ESYT2: variants seen among roughly 807,000 people sequenced by gnomAD.
ESYT2 encodes the protein extended synaptotagmin 2.
ESYT2 carries 54 observed loss-of-function variants against 107.2 expected under a neutral mutation model. That is an observed-to-expected ratio of 0.50 (90% CI 0.40 to 0.63). The LOEUF (loss-of-function observed/expected upper bound fraction) is 0.63. Among genes scored for constraint, ESYT2 ranks in the 30% least tolerant of loss-of-function variants. The pLI is 0.00. For missense variants in ESYT2, 1,020 were observed against 1,094.5 expected, an observed-to-expected ratio of 0.93 and a Z score of 0.96; for synonymous variants, 491 against 434.1, an observed-to-expected ratio of 1.13 and a Z score of -1.63.
chr7:158,797,797 T>G, intron 3 of ESYT2, 145 bp downstream of exon 3: 1 of 1,074,412 alleles, frequency 9.3e-7, no homozygotes, highest in Non-Finnish European at 1.3e-6. Flanking sequence ...GAGTTTGCAG[T>G]GAGCCAAGAT....
intron 7 of ESYT2, among the ~76,000 whole-genome samples, chr7:158,768,673 C>T (rs1838248836): frequency 6.6e-6 from 1 of 152,240 alleles, no homozygotes; most frequent in Admixed American, 6.5e-5. Flanking sequence ...CCACCTTGGC[C>T]TCCCGAAGTG....
At chr7:158,758,754 A>C (rs1434298749) in intron 13 of ESYT2, among the ~76,000 whole-genome samples, 1 of 152,206 alleles carries the variant, frequency 6.6e-6, no homozygotes, top group Non-Finnish European at 1.5e-5. Context: ...TAAGGACCAC[A>C]CCACTATCCT....
intron 6 of ESYT2, among the ~76,000 whole-genome samples, chr7:158,786,883 G>C (rs1051255764): frequency 3.9e-5 from 6 of 152,188 alleles, no homozygotes; most frequent in African/African-American, 1.2e-4. Context: ...TATGATCCTT[G>C]CTTTCAAAGA....
chr7:158,828,966 C>G (rs1584897154), intron 1 of ESYT2, 123 bp downstream of exon 1: 4 of 1,401,118 alleles, frequency 2.9e-6, no homozygotes, highest in Non-Finnish European at 3.7e-6. Context: ...AGGCGGGAGC[C>G]GGGGCAGGGC....
intron 15 of ESYT2, 86 bp downstream of exon 15, chr7:158,749,563 G>C (rs886321459): frequency 7.8e-7 from 1 of 1,274,566 alleles, no homozygotes; most frequent in African/African-American, 1.5e-5. Context: ...GAATGTATTT[G>C]CAACCCGGCA....
chr7:158,783,601 T>TC (rs1839002664), intron 6 of ESYT2, among the ~76,000 whole-genome samples: 1 of 152,144 alleles, frequency 6.6e-6, no homozygotes, highest in Non-Finnish European at 1.5e-5. Flanking sequence ...GTGAAACCCC[T>TC]CCTTCGGGGC....
rs113520049 is a variant in ESYT2 at position 158,742,858 on chromosome 7, T to C, written c.1794+671A>G. ...AAAGGCCAAGGAGCCTTCAGATGAG[T>C]GGCTCAGGGTTGTCGCAGCTCCCTC... is the stretch of plus-strand genomic sequence containing the variant. On this transcript the variant is annotated intron_variant, in intron 17 of 22. Transcript: ENST00000275418. Among the ~76,000 whole-genome samples the C allele has an allele frequency of 8.9e-3, 1,360 of 152,334 alleles. 18 individuals are homozygous for C. Among genetic ancestry groups the C allele is most frequent in the African/African-American group, 0.029 (1,223 of 41,574 alleles).
chr7:158,814,937 AAG>A (rs67955289), intron 1 of ESYT2, among the ~76,000 whole-genome samples: 17,472 of 152,152 alleles, frequency 0.11, 1,703 homozygotes, highest in East Asian at 0.55. Context: ...TACTGCCATC[AAG>A]AGAGAGGAGA....
In ESYT2 at chr7:158,804,665, A is replaced by G. The variant is rs113051541; in HGVS notation, c.331-5593T>C. Among the ~76,000 whole-genome samples, 145 of 129,576 alleles carry G rather than the reference A, an allele frequency of 1.1e-3. 2 individuals are homozygous for G. Among genetic ancestry groups the G allele is most frequent in the Admixed American group, 4.2e-3 (54 of 12,824 alleles). The allele number at this position is 129,576 out of a possible 152,430, so 85.0% of individuals were successfully genotyped here. Reference sequence around the variant, plus strand: ...CCCAAAGTGCTGAGAAAAGTGAGGCACGTGACAAACCCAAACTGTTGACAA... The same window carrying G: ...CCCAAAGTGCTGAGAAAAGTGAGGCGCGTGACAAACCCAAACTGTTGACAA... On this transcript the variant is annotated intron_variant, in intron 1 of 22. Coordinates refer to ENST00000275418, the MANE Select transcript of ESYT2 (RefSeq NM_001367773.1).
intron 9 of ESYT2, among the ~76,000 whole-genome samples, chr7:158,763,654 C>T (rs1480183740): frequency 3.9e-5 from 6 of 152,186 alleles, no homozygotes; most frequent in Admixed American, 1.3e-4. Context: ...CTCTTGAGGA[C>T]GGGAGGTCAC....
At position 158,732,455 on chromosome 7, in the gene ESYT2, C is replaced by T. The variant is rs1372581319; in HGVS notation, c.*1752G>A. 6.6e-6 allele frequency: 1 copy of T among 152,250 alleles called. No individual in the cohort carries two copies. Among genetic ancestry groups the T allele is most frequent in the African/African-American group, 2.4e-5 (1 of 41,536 alleles). The allele number at this position is 152,250 out of a possible 1,614,324, so 9.4% of individuals were successfully genotyped here. On this transcript the variant is annotated 3_prime_UTR_variant, in exon 23 of 23. Transcript: ENST00000275418. Reference sequence around the variant, plus strand: ...ATGGTTTATAAAGAGGCTTTACAGTCGCATGTCATTCAGCAGGAGGGAATA... The same window carrying T: ...ATGGTTTATAAAGAGGCTTTACAGTTGCATGTCATTCAGCAGGAGGGAATA...
chr7:158,750,879 C>T (rs1278956452), intron 14 of ESYT2, among the ~76,000 whole-genome samples: 1 of 152,274 alleles, frequency 6.6e-6, no homozygotes, highest in East Asian at 1.9e-4. Context: ...CGGGCTGGAG[C>T]CACAGGTAGC....
intron 6 of ESYT2, among the ~76,000 whole-genome samples, chr7:158,783,502 T>C (rs1838999453): frequency 6.6e-6 from 1 of 152,194 alleles, no homozygotes; most frequent in Non-Finnish European, 1.5e-5. Context: ...AGTTCAAAAA[T>C]GTTTTTCTTA....
At chr7:158,752,935 TAAAC>T in intron 13 of ESYT2, 92 bp from the exon 14 acceptor site, 2 of 827,604 alleles carry the variant, frequency 2.4e-6, no homozygotes, top group South Asian at 3.2e-5. Context: ...TTTATGGGAA[TAAAC>T]AAACAAAAAT....
intron 1 of ESYT2, among the ~76,000 whole-genome samples, chr7:158,804,108 C>T (rs113156311): frequency 2.4e-3 from 77 of 32,362 alleles, no homozygotes; most frequent in African/African-American, 0.017. Context: ...GTGAGGCGCG[C>T]GACAAACCCA....
chr7:158,808,307 A>C (rs1222809018), intron 1 of ESYT2, among the ~76,000 whole-genome samples: 1 of 152,212 alleles, frequency 6.6e-6, no homozygotes, highest in Non-Finnish European at 1.5e-5. Flanking sequence ...TCGAGACACG[A>C]GCCCCGTCCG....
intron 1 of ESYT2, among the ~76,000 whole-genome samples, chr7:158,826,886 C>T (rs2129474479): frequency 6.9e-6 from 1 of 145,864 alleles, no homozygotes; most frequent in East Asian, 2.1e-4. Flanking sequence ...TCTGTGTGGC[C>T]GGGCGCGGTG....
At chr7:158,754,573 G>T (rs1837690687) in intron 13 of ESYT2, among the ~76,000 whole-genome samples, 1 of 151,982 alleles carries the variant, frequency 6.6e-6, no homozygotes, top group East Asian at 1.9e-4. Context: ...TAGGCCTAAG[G>T]GCCTCCACAG....
rs111429035 is a variant in ESYT2 at position 158,791,623 on chromosome 7, T to G, written c.584+2027A>C. Among the ~76,000 whole-genome samples the G allele has an allele frequency of 1.7e-4, 26 of 152,330 alleles. 3 individuals are homozygous for G. Among genetic ancestry groups the G allele is most frequent in the African/African-American group, 6.3e-4 (26 of 41,582 alleles). ...TTGACAGTAGCCTTTCTAATAGGTG[T>G]TAGGTGGTATTTCATTACGGTCTAG... is the stretch of plus-strand genomic sequence containing the variant. On this transcript the variant is annotated intron_variant, in intron 4 of 22. Transcript: ENST00000275418.
Sources: allele counts gnomAD v4.1 joint callset (sites outside exome capture counted in the v4.1 genomes callset), GRCh38; gene constraint gnomAD v4.1.1; transcripts MANE v1.5; gene names NCBI Gene and HGNC (gene_info 2026-07-23, HGNC 2026-07-21).